Variants in SPTLC1 observed in about 807,000 individuals in gnomAD.
SPTLC1 encodes serine palmitoyltransferase long chain base subunit 1.
SPTLC1 carries 55 observed loss-of-function variants against 68.9 expected under a neutral mutation model. The observed-to-expected ratio is 0.80, with a 90% confidence interval of 0.64 to 1.00. The LOEUF (loss-of-function observed/expected upper bound fraction) is 1.00, where lower values mean the gene tolerates loss of function less well. Ranked by LOEUF, SPTLC1 falls within the 50% of genes least tolerant of loss-of-function variation. SPTLC1 has a pLI of 0.00. For missense variants in SPTLC1, 449 were observed against 573.1 expected, an observed-to-expected ratio of 0.78 and a Z score of 2.21; for synonymous variants, 197 against 201.6, an observed-to-expected ratio of 0.98 and a Z score of 0.19.
At position 92,061,698 on chromosome 9, in the gene SPTLC1, T is replaced by A. The variant is rs1834108505; in HGVS notation, c.561-2390A>T. On this transcript the variant is annotated intron_variant, in intron 6 of 14. Transcript: ENST00000262554. ...TTCTCACTGTATGTACAGGAAATAT[T>A]TAAAACAATTATAATGTAAATGAGG... is the stretch of plus-strand genomic sequence containing the variant. Among the ~76,000 whole-genome samples the A allele has an allele frequency of 2.6e-5, 4 of 152,228 alleles. No individual in the cohort carries two copies. The South Asian group carries it at 8.3e-4, about 32-fold the overall frequency.
intron 12 of SPTLC1, among the ~76,000 whole-genome samples, chr9:92,040,934 G>A (rs893122800): frequency 6.6e-6 from 1 of 152,188 alleles, no homozygotes; most frequent in East Asian, 1.9e-4. Context: ...AAAACCAAAC[G>A]GACACAGTTA....
intron 5 of SPTLC1, among the ~76,000 whole-genome samples, chr9:92,069,598 T>C (rs2118608467): frequency 6.6e-6 from 1 of 152,336 alleles, no homozygotes; most frequent in East Asian, 1.9e-4. Flanking sequence ...AGGCAAAATC[T>C]AGCAAGAAAG....
At chr9:92,098,493 C>A (rs960384212) in intron 3 of SPTLC1, among the ~76,000 whole-genome samples, 11 of 151,972 alleles carry the variant, frequency 7.2e-5, no homozygotes, top group African/African-American at 2.7e-4. Context: ...TCACTATCAA[C>A]AAAACAACCT....
intron 3 of SPTLC1, among the ~76,000 whole-genome samples, chr9:92,090,610 T>G (rs1192017483): frequency 7.6e-6 from 1 of 130,996 alleles, no homozygotes; most frequent in Non-Finnish European, 1.5e-5. Context: ...AGACCCTGTC[T>G]CAAAAAACAA....
chr9:92,082,607 T>C (rs1482219029), intron 3 of SPTLC1, among the ~76,000 whole-genome samples: 16 of 151,888 alleles, frequency 1.1e-4, no homozygotes, highest in Non-Finnish European at 2.2e-4. Context: ...CCATGGTGTA[T>C]ATGTGCCACA....
At chr9:92,114,031 T>C (rs1181531409) in intron 1 of SPTLC1, among the ~76,000 whole-genome samples, 2 of 152,028 alleles carry the variant, frequency 1.3e-5, no homozygotes, top group Non-Finnish European at 2.9e-5. Context: ...CCCAGCACTT[T>C]GGGAGGCCAA....
chr9:92,059,091 G>A (rs959642725), intron 7 of SPTLC1, 88 bp downstream of exon 7: 63 of 1,510,592 alleles, frequency 4.2e-5, no homozygotes, highest in Non-Finnish European at 5.1e-5. Context: ...CCACAGGCAA[G>A]TTTTCATGAC....
Position 92,032,310 on chromosome 9 carries a change from T to G in SPTLC1, c.*155A>C. 1 of 1,543,068 alleles carries G rather than the reference T, an allele frequency of 6.5e-7. No homozygotes were observed. The highest frequency in any genetic ancestry group is 8.7e-7 in the Non-Finnish European group (1 of 1,148,658). On this transcript the variant is annotated 3_prime_UTR_variant, in exon 15 of 15. Coordinates refer to ENST00000262554, the MANE Select transcript of SPTLC1 (RefSeq NM_006415.4). ...TTAAAAAAAATAAGCATCCTTCTCA[T>G]GGTCACACAATTGGTCCATACTGAC...
At chr9:92,071,100 T>G (rs1003587043) in intron 5 of SPTLC1, among the ~76,000 whole-genome samples, 2 of 149,198 alleles carry the variant, frequency 1.3e-5, no homozygotes. Context: ...AAAAAAAAAA[T>G]CCCTAGAGGC....
At chr9:92,036,220 AG>A (rs1424263610) in intron 13 of SPTLC1, among the ~76,000 whole-genome samples, 1 of 152,210 alleles carries the variant, frequency 6.6e-6, no homozygotes, top group African/African-American at 2.4e-5. Context: ...AACTCTCAAG[AG>A]GATTTCCTTA....
chr9:92,107,609 G>A (rs907378354), intron 3 of SPTLC1, among the ~76,000 whole-genome samples: 14 of 152,110 alleles, frequency 9.2e-5, no homozygotes, highest in African/African-American at 2.4e-4. Context: ...AAAATTAGCC[G>A]GGCATGGCAG....
At chr9:92,087,367 T>C (rs1835185346) in intron 3 of SPTLC1, among the ~76,000 whole-genome samples, 1 of 152,190 alleles carries the variant, frequency 6.6e-6, no homozygotes, top group Non-Finnish European at 1.5e-5. Flanking sequence ...TCCCCATCTT[T>C]GTGGTTTTAT....
chr9:92,076,270 T>C (rs1834681380), intron 5 of SPTLC1, among the ~76,000 whole-genome samples: 1 of 152,130 alleles, frequency 6.6e-6, no homozygotes, highest in Non-Finnish European at 1.5e-5. Context: ...AAAGCTGCCC[T>C]CCTTCCAGCC....
intron 3 of SPTLC1, among the ~76,000 whole-genome samples, chr9:92,098,106 C>T (rs1418656584): frequency 6.6e-6 from 1 of 152,162 alleles, no homozygotes; most frequent in South Asian, 2.1e-4. Flanking sequence ...CCGGATTCAC[C>T]GGTTCCCGCC....
At chr9:92,101,561 CAAAAAAAAAA>C (rs61125464) in intron 3 of SPTLC1, among the ~76,000 whole-genome samples, 21 of 45,952 alleles carry the variant, frequency 4.6e-4, no homozygotes, top group African/African-American at 1.6e-3. Flanking sequence ...GACTCCGTCT[CAAAAAAAAAA>C]AAAAAAAAAA....
In SPTLC1 at chr9:92,031,820, TCTGG is replaced by T. The variant is rs1375862197; in HGVS notation, c.*641_*644del. On this transcript the variant is annotated 3_prime_UTR_variant, in exon 15 of 15. Coordinates refer to ENST00000262554, the MANE Select transcript of SPTLC1 (RefSeq NM_006415.4). ...CACTTAGGAAGTATAATGAATATTC[TCTGG>T]CTAAGGATGCTCAGATTAGAAATGG... 1.3e-5 allele frequency: 2 copies of T among 154,192 alleles called. No individual in the cohort carries two copies. Among genetic ancestry groups the T allele is most frequent in the African/African-American group, 4.8e-5 (2 of 41,508 alleles). The allele number at this position is 154,192 out of a possible 1,614,324, so 9.6% of individuals were successfully genotyped here.
At chr9:92,072,881 C>T (rs905373659) in intron 5 of SPTLC1, among the ~76,000 whole-genome samples, 1 of 152,004 alleles carries the variant, frequency 6.6e-6, no homozygotes, top group African/African-American at 2.4e-5. Context: ...CCTTATCTCC[C>T]TTCCATCTAC....
At chr9:92,100,642 G>A (rs906083776) in intron 3 of SPTLC1, among the ~76,000 whole-genome samples, 2 of 151,992 alleles carry the variant, frequency 1.3e-5, no homozygotes, top group African/African-American at 4.8e-5. Flanking sequence ...AGTGTTTCCA[G>A]GGGAGTCCCA....
intron 12 of SPTLC1, among the ~76,000 whole-genome samples, chr9:92,041,524 G>A (rs1198621420): frequency 6.6e-6 from 1 of 152,148 alleles, no homozygotes; most frequent in Non-Finnish European, 1.5e-5. Context: ...AGCCTAGATG[G>A]CTGTAAAGTG....
Sources: allele counts gnomAD v4.1 joint callset (sites outside exome capture counted in the v4.1 genomes callset), GRCh38; gene constraint gnomAD v4.1.1; transcripts MANE v1.5; gene names NCBI Gene and HGNC (gene_info 2026-07-23, HGNC 2026-07-21).